The following CDH13 variants were observed in gnomAD, a reference collection of about 807,000 sequenced individuals.
CDH13 encodes the protein cadherin-13.
In CDH13, 24 loss-of-function variants were observed where a neutral mutation model predicts 63.8. That is an observed-to-expected ratio of 0.38 (90% CI 0.27 to 0.53). The LOEUF (loss-of-function observed/expected upper bound fraction) is 0.53, where lower values mean the gene tolerates loss of function less well. Ranked by LOEUF, CDH13 falls within the 20% of genes least tolerant of loss-of-function variation. The pLI is 0.85. For synonymous variants in CDH13, 503 were observed against 355.3 expected, an observed-to-expected ratio of 1.42 and a Z score of -4.67; for missense variants, 1,049 against 903.1, an observed-to-expected ratio of 1.16 and a Z score of -2.07.
intron 3 of CDH13, among the ~76,000 whole-genome samples, chr16:83,103,630 C>T (rs1039492812): frequency 6.6e-6 from 1 of 152,156 alleles, no homozygotes; most frequent in East Asian, 1.9e-4. Context: ...GCGGAATGGC[C>T]TGTGTTCAAA....
intron 2 of CDH13, among the ~76,000 whole-genome samples, chr16:82,945,294 T>C (rs767259588): frequency 6.6e-6 from 1 of 152,210 alleles, no homozygotes; most frequent in Non-Finnish European, 1.5e-5. Context: ...GGTGTGACTG[T>C]GTTCTAATAA....
intron 1 of CDH13, among the ~76,000 whole-genome samples, chr16:82,812,851 C>G (rs985776771): frequency 6.6e-6 from 1 of 150,544 alleles, no homozygotes; most frequent in East Asian, 1.9e-4. Flanking sequence ...CCCTTCTTTC[C>G]TCCCTTCTTT....
chr16:83,139,306 C>A (rs917658931), intron 4 of CDH13, among the ~76,000 whole-genome samples: 1 of 152,198 alleles, frequency 6.6e-6, no homozygotes, highest in Admixed American at 6.5e-5. Context: ...AGGGATTTTA[C>A]TTTAGTCCTT....
chr16:83,624,686 C>G (rs1195366223), intron 8 of CDH13, among the ~76,000 whole-genome samples: 5 of 152,104 alleles, frequency 3.3e-5, no homozygotes, highest in African/African-American at 9.7e-5. Flanking sequence ...GTCCGCAGCC[C>G]CAGGGGTTGG....
At chr16:83,781,335 G>A (rs1233730431) in intron 12 of CDH13, among the ~76,000 whole-genome samples, 1 of 152,130 alleles carries the variant, frequency 6.6e-6, no homozygotes, top group Non-Finnish European at 1.5e-5. Flanking sequence ...AAAAGAAAAA[G>A]AAAGACATTA....
At chr16:83,105,761 A>G (rs1435030242) in intron 3 of CDH13, among the ~76,000 whole-genome samples, 1 of 152,236 alleles carries the variant, frequency 6.6e-6, no homozygotes, top group African/African-American at 2.4e-5. Flanking sequence ...ACCTGTACTG[A>G]AGAATGACGC....
intron 6 of CDH13, among the ~76,000 whole-genome samples, chr16:83,453,357 AC>A (rs2072933736): frequency 6.6e-6 from 1 of 152,168 alleles, no homozygotes; most frequent in Non-Finnish European, 1.5e-5. Flanking sequence ...TTCCCCAAAA[AC>A]CTATGGAAAC....
intron 7 of CDH13, among the ~76,000 whole-genome samples, chr16:83,584,840 T>G (rs1054952120): frequency 4.6e-5 from 7 of 152,124 alleles, no homozygotes; most frequent in African/African-American, 1.7e-4. Context: ...CTCAGAAAGC[T>G]TACAATCACG....
intron 6 of CDH13, among the ~76,000 whole-genome samples, chr16:83,370,346 C>T (rs895012660): frequency 2.0e-5 from 3 of 151,182 alleles, no homozygotes; most frequent in African/African-American, 7.3e-5. Context: ...CAAGGCTGCG[C>T]CACTGCACTC....
At chr16:83,003,806 A>G (rs1037090443) in intron 2 of CDH13, among the ~76,000 whole-genome samples, 1 of 152,232 alleles carries the variant, frequency 6.6e-6, no homozygotes, top group Non-Finnish European at 1.5e-5. Context: ...AGAAATGTGA[A>G]CAGGGCTTAA....
chr16:82,656,463 T>C (rs1911307658), intron 1 of CDH13, among the ~76,000 whole-genome samples: 1 of 152,126 alleles, frequency 6.6e-6, no homozygotes, highest in South Asian at 2.1e-4. Context: ...TGGTGGAAGG[T>C]ACAGAAGTTT....
intron 1 of CDH13, among the ~76,000 whole-genome samples, chr16:82,692,340 G>A (rs1915724125): frequency 6.6e-6 from 1 of 152,212 alleles, no homozygotes; most frequent in Non-Finnish European, 1.5e-5. Context: ...AATTTATAAA[G>A]GAAAGAGGAT....
At chr16:82,678,429 C>G (rs1445841288) in intron 1 of CDH13, among the ~76,000 whole-genome samples, 1 of 150,744 alleles carries the variant, frequency 6.6e-6, no homozygotes, top group Non-Finnish European at 1.5e-5. Flanking sequence ...TGTTTTCAGT[C>G]TAGAATGTTC....
chr16:82,952,652 A>T (rs528825107), intron 2 of CDH13, among the ~76,000 whole-genome samples: 3 of 152,188 alleles, frequency 2.0e-5, no homozygotes, highest in Non-Finnish European at 4.4e-5. Context: ...AGATGATTCA[A>T]TTCTCATACA....
chr16:83,583,093 G>A (rs1423070389), intron 7 of CDH13, among the ~76,000 whole-genome samples: 1 of 152,130 alleles, frequency 6.6e-6, no homozygotes, highest in Admixed American at 6.5e-5. Context: ...GCATCTAGAG[G>A]CCCCAGTTCC....
At chr16:82,848,331 G>A (rs1222646041) in intron 1 of CDH13, among the ~76,000 whole-genome samples, 1 of 152,106 alleles carries the variant, frequency 6.6e-6, no homozygotes, top group African/African-American at 2.4e-5. Flanking sequence ...TTTTTGCCTG[G>A]CTTCTTGACT....
At chr16:83,756,372 G>T (rs1232910346) in intron 11 of CDH13, among the ~76,000 whole-genome samples, 1 of 152,112 alleles carries the variant, frequency 6.6e-6, no homozygotes, top group Non-Finnish European at 1.5e-5. Context: ...AAAGAACAAA[G>T]AATGGAAATA....
intron 2 of CDH13, among the ~76,000 whole-genome samples, chr16:82,963,126 T>C (rs748393732): frequency 2.0e-5 from 3 of 150,784 alleles, no homozygotes; most frequent in African/African-American, 7.3e-5. Context: ...ATCCCAGCAG[T>C]TTGGGAGGCT....
chr16:82,872,807 T>C (rs1439880162), intron 2 of CDH13, among the ~76,000 whole-genome samples: 1 of 152,182 alleles, frequency 6.6e-6, no homozygotes, highest in Non-Finnish European at 1.5e-5. Context: ...TCCCTACCAC[T>C]CATTTAGCCA....
Sources: gnomAD v4.1 joint callset for allele counts (sites outside exome capture counted in the v4.1 genomes callset) on GRCh38, gnomAD v4.1.1 for gene constraint, MANE v1.5 for transcripts, NCBI Gene and HGNC (gene_info 2026-07-23, HGNC 2026-07-21) for gene names.